SOX6: variants seen among roughly 807,000 people sequenced by gnomAD.
The protein encoded by SOX6 is transcription factor SOX-6.
Under a neutral mutation model 97.8 loss-of-function variants are expected in SOX6, and 11 were observed. The ratio of observed to expected loss-of-function variants is 0.11; its 90% CI spans 0.07 to 0.19. The LOEUF is 0.19. Among genes scored for constraint, SOX6 ranks in the 10% least tolerant of loss-of-function variants. The pLI is 1.00. For synonymous variants in SOX6, 360 were observed against 371.4 expected (o/e 0.97, Z 0.35); for missense variants, 810 against 1,039.5 (o/e 0.78, Z 3.04).
At chr11:16,701,094 G>T (rs1228040626) in intron 3 of SOX6, among the ~76,000 whole-genome samples, 2 of 152,118 alleles carry the variant, frequency 1.3e-5, no homozygotes, top group Admixed American at 1.3e-4. Context: ...TCAATAGTTG[G>T]TCTTCTTAAT....
rs973164017 is a variant in SOX6, at chr11:16,243,975, A to C, written c.446-9304T>G. 4.6e-5 allele frequency among the ~76,000 whole-genome samples: 7 copies of C among 152,000 alleles called. No homozygotes were observed. The East Asian group carries it at 1.3e-3, about 29-fold the overall frequency. The stretch of plus-strand genomic sequence containing the variant: ...TTTAGATGTATTAGAAATAAAACTA[A>C]TATACAAATTCATTCACAAGTCTTT... On this transcript the variant is annotated intron_variant, in intron 3 of 15. Transcript: ENST00000683767.
intron 1 of SOX6, among the ~76,000 whole-genome samples, chr11:16,452,200 CAT>C (rs1859731551): frequency 2.0e-5 from 3 of 152,026 alleles, no homozygotes; most frequent in Non-Finnish European, 2.9e-5. Context: ...CTACAGTTAA[CAT>C]GTGGTATTTT....
At chr11:16,078,576 G>A (rs1422377735) in intron 9 of SOX6, among the ~76,000 whole-genome samples, 2 of 152,148 alleles carry the variant, frequency 1.3e-5, no homozygotes, top group African/African-American at 4.8e-5. Flanking sequence ...CTATGGGCCA[G>A]GTATCATTTT....
chr11:16,159,982 A>C (rs1850703071), intron 6 of SOX6, among the ~76,000 whole-genome samples: 1 of 152,162 alleles, frequency 6.6e-6, no homozygotes, highest in African/African-American at 2.4e-5. Context: ...AAGGGGACTA[A>C]CATACCAGAA....
chr11:15,996,264 G>C (rs1854221745), intron 13 of SOX6, among the ~76,000 whole-genome samples: 2 of 152,144 alleles, frequency 1.3e-5, no homozygotes, highest in South Asian at 4.1e-4. Context: ...TTTACGTGAA[G>C]TGGTAAAATT....
chr11:16,340,688 C>T (rs1590139247), intron 2 of SOX6, among the ~76,000 whole-genome samples: 1 of 151,888 alleles, frequency 6.6e-6, no homozygotes, highest in Non-Finnish European at 1.5e-5. Context: ...ACTTTATTTG[C>T]TCATACCTAT....
intron 1 of SOX6, among the ~76,000 whole-genome samples, chr11:16,429,766 T>C (rs7945381): frequency 1 from 151,514 of 152,244 alleles, 75,399 homozygotes; most frequent in Middle Eastern, 1. Context: ...ATCTGTACAA[T>C]GAACCCCTAT....
At chr11:16,423,232 T>C (rs772215559) in intron 1 of SOX6, among the ~76,000 whole-genome samples, 65 of 152,302 alleles carry the variant, frequency 4.3e-4, no homozygotes, top group Middle Eastern at 3.4e-3. Context: ...CATTTTTCCC[T>C]TTGCCTGGGA....
intron 6 of SOX6, among the ~76,000 whole-genome samples, chr11:16,129,793 G>A (rs1237071740): frequency 1.3e-5 from 2 of 151,978 alleles, no homozygotes; most frequent in Non-Finnish European, 2.9e-5. Context: ...TAAATAGAAG[G>A]AAGCTTCCTC....
intron 6 of SOX6, among the ~76,000 whole-genome samples, chr11:16,127,038 C>G (rs1812048515): frequency 6.6e-6 from 1 of 152,034 alleles, no homozygotes; most frequent in Non-Finnish European, 1.5e-5. Context: ...ATTCTGATGA[C>G]AATCCAACCT....
chr11:15,988,877 C>T, intron 14 of SOX6, 120 bp downstream of exon 14: 1 of 1,012,486 alleles, frequency 9.9e-7, no homozygotes. Flanking sequence ...TGACCTTCGT[C>T]TAACTTGCGC....
chr11:16,642,763 A>G (rs996967339), intron 3 of SOX6, among the ~76,000 whole-genome samples: 14 of 152,164 alleles, frequency 9.2e-5, no homozygotes, highest in African/African-American at 2.7e-4. Flanking sequence ...TTTCAGCTCT[A>G]TCAGGTCCTT....
intron 4 of SOX6, among the ~76,000 whole-genome samples, chr11:16,513,836 A>C (rs957308007): frequency 5.3e-5 from 8 of 152,212 alleles, no homozygotes; most frequent in African/African-American, 1.9e-4. Flanking sequence ...TCCACAAATA[A>C]AAAAGATGAG....
In SOX6 at chr11:16,306,970, C is replaced by T. The variant is rs886619158; in HGVS notation, c.445+11476G>A. Among the ~76,000 whole-genome samples, 7 of 152,194 alleles carry T rather than the reference C, an allele frequency of 4.6e-5. No homozygotes were observed. The South Asian group carries it at 1.2e-3, about 27-fold the overall frequency. On this transcript the variant is annotated intron_variant, in intron 3 of 15. Coordinates refer to ENST00000683767, the MANE Select transcript of SOX6 (RefSeq NM_001367873.1). ...CACAATGCTCACTAGAGAAAGATTA[C>T]AACAGAACTCCAGGAACCAAATTCT...
intron 4 of SOX6, among the ~76,000 whole-genome samples, chr11:16,504,863 G>C (rs1044965073): frequency 2.0e-5 from 3 of 152,102 alleles, no homozygotes; most frequent in African/African-American, 4.8e-5. Context: ...AGATGTTCCT[G>C]CTTCCCCTTC....
At position 16,145,440 on chromosome 11, in the gene SOX6, C is replaced by G. The variant is rs565421525; in HGVS notation, c.778-33517G>C. ...GAAGCATTCCCTTTGAAAACTGGCA[C>G]AAGACAGGGATGCCCTCTCTCACCA... On this transcript the variant is annotated intron_variant, in intron 6 of 15. Coordinates refer to ENST00000683767, the MANE Select transcript of SOX6 (RefSeq NM_001367873.1). Among the ~76,000 whole-genome samples, 165 of 152,260 alleles carry G rather than the reference C, an allele frequency of 1.1e-3. No homozygotes were observed. In the Middle Eastern group the frequency reaches 0.017, roughly 16 times the overall value.
At chr11:16,034,250 A>G (rs116849297) in intron 12 of SOX6, among the ~76,000 whole-genome samples, 1 of 152,162 alleles carries the variant, frequency 6.6e-6, no homozygotes, top group East Asian at 1.9e-4. Context: ...AACCTAGAAG[A>G]TATGAGAACT....
intron 1 of SOX6, among the ~76,000 whole-genome samples, chr11:16,423,249 C>G (rs902736302): frequency 2.6e-5 from 4 of 152,276 alleles, no homozygotes; most frequent in Non-Finnish European, 4.4e-5. Flanking sequence ...GGGAGCTCTT[C>G]TTCCAGTACT....
intron 1 of SOX6, among the ~76,000 whole-genome samples, chr11:16,381,994 A>C (rs1322783537): frequency 6.6e-6 from 1 of 152,056 alleles, no homozygotes; most frequent in East Asian, 1.9e-4. Context: ...TAATTTTTCT[A>C]AGTGAATGTT....
Sources: allele counts gnomAD v4.1 joint callset (sites outside exome capture counted in the v4.1 genomes callset), GRCh38; gene constraint gnomAD v4.1.1; transcripts MANE v1.5; gene names NCBI Gene and HGNC (gene_info 2026-07-23, HGNC 2026-07-21).